PPIG: variants seen among roughly 807,000 people sequenced by gnomAD.
PPIG encodes the protein peptidyl-prolyl cis-trans isomerase G.
Under a neutral mutation model 87.9 loss-of-function variants are expected in PPIG, and 26 were observed. That is an observed-to-expected ratio of 0.30 (90% CI 0.22 to 0.41). PPIG has a LOEUF of 0.41. Among genes scored for constraint, PPIG ranks in the 10% least tolerant of loss-of-function variants. The pLI is 1.00. For synonymous variants in PPIG, 308 were observed against 276.5 expected (o/e 1.11, Z -1.13); for missense variants, 722 against 879.4 (o/e 0.82, Z 2.26).
At chr2:169,623,739 G>C (rs543983011) in intron 9 of PPIG, among the ~76,000 whole-genome samples, 2 of 152,158 alleles carry the variant, frequency 1.3e-5, no homozygotes, top group African/African-American at 4.8e-5. Context: ...ACTTAGAAAC[G>C]GTTTAGGAGA....
intron 9 of PPIG, among the ~76,000 whole-genome samples, chr2:169,620,142 A>C (rs1685706408): frequency 6.6e-6 from 1 of 152,152 alleles, no homozygotes; most frequent in African/African-American, 2.4e-5. Context: ...GGTCATATCC[A>C]GAAAAATCAT....
At position 169,631,855 on chromosome 2, in the gene PPIG, G is replaced by T; in HGVS notation, c.851G>T (p.Arg284Ile). The change falls in exon 11 of 14, where the codon AGA (arginine) becomes ATA (isoleucine). Residue 284 changes from arginine to isoleucine, a missense_variant. Physicochemically the swap from Arg to Ile is moderately conservative, Grantham distance 97 (BLOSUM62 -3). Transcript: ENST00000260970. ...PEEIPPIPEN[R>I]FLMRKSPPKA... ...GAGATCCCTCCTATACCTGAAAATAGATTCCTAATGAGAAAAAGTCCTCCT... is the reference window on the plus strand; with the variant it reads ...GAGATCCCTCCTATACCTGAAAATATATTCCTAATGAGAAAAAGTCCTCCT... 1 of 1,613,426 alleles carries T rather than the reference G, an allele frequency of 6.2e-7. No homozygotes were observed.
In PPIG at chr2:169,637,394, G is replaced by A. The variant is rs746188370; in HGVS notation, c.2136G>A (p.Glu712=). The change falls in exon 14 of 14, where the codon GAG becomes GAA. Residue 712 remains glutamate (E), a synonymous_variant. Coordinates refer to ENST00000260970, the MANE Select transcript of PPIG (RefSeq NM_004792.3). ...CCATGTTGAAAAATAAGGAGGATGA[G>A]AAGATCAGATCCTCAGTGGAAAAAG... ...KSSMLKNKED[E]KIRSSVEKEN... 6.2e-6 allele frequency: 10 copies of A among 1,612,842 alleles called. No homozygotes were observed. The highest frequency in any genetic ancestry group is 7.6e-6 in the Non-Finnish European group (9 of 1,179,792).
chr2:169,636,680 T>A lies in PPIG; in HGVS notation c.1422T>A (p.Asp474Glu). ...SKEKSKSKER[D>E]SKHNRNEEKR... ...AGAAATCAAAGAGTAAAGAAAGAGA[T>A]TCAAAACATAATAGAAATGAAGAAA... The change falls in exon 14 of 14, where the codon GAT (aspartate) becomes GAA (glutamate). Residue 474 changes from aspartate to glutamate, a missense_variant. Asp to Glu is a conservative substitution (Grantham distance 45). Around this residue, in one of 4 missense-constraint regions of PPIG, gnomAD observed 476 missense variants for 483.1 expected, o/e 0.99. Transcript: ENST00000260970. 1 of 1,606,458 alleles carries A rather than the reference T, an allele frequency of 6.2e-7. No individual in the cohort carries two copies. Among genetic ancestry groups the A allele is most frequent in the Non-Finnish European group, 8.5e-7 (1 of 1,178,208 alleles).
At chr2:169,604,515 A>G (rs887732428) in intron 4 of PPIG, among the ~76,000 whole-genome samples, 3 of 151,260 alleles carry the variant, frequency 2.0e-5, no homozygotes, top group African/African-American at 7.3e-5. Flanking sequence ...CTCCATGCAT[A>G]TTACTTTTCT....
intron 1 of PPIG, among the ~76,000 whole-genome samples, chr2:169,592,765 A>T (rs1292740519): frequency 6.6e-6 from 1 of 152,186 alleles, no homozygotes; most frequent in African/African-American, 2.4e-5. Context: ...CGAGGAAATC[A>T]TAATTATAGA....
At chr2:169,598,271 A>T (rs897936144) in intron 1 of PPIG, among the ~76,000 whole-genome samples, 1 of 151,992 alleles carries the variant, frequency 6.6e-6, no homozygotes, top group Non-Finnish European at 1.5e-5. Flanking sequence ...AGTGTAAGCC[A>T]CTGCATCTAG....
rs1686218387 is a variant in PPIG at position 169,637,595 on chromosome 2, T to C, written c.*72T>C. On this transcript the variant is annotated 3_prime_UTR_variant, in exon 14 of 14. Transcript: ENST00000260970. ...GAGAGACTTGCTAATGAATCTCCTTTATGTTGTTTTCCTTTTCATTGTTTT... is the reference window on the plus strand; with the variant it reads ...GAGAGACTTGCTAATGAATCTCCTTCATGTTGTTTTCCTTTTCATTGTTTT... 2 of 1,349,838 alleles carry C rather than the reference T, an allele frequency of 1.5e-6. No homozygotes were observed. Among genetic ancestry groups the C allele is most frequent in the South Asian group, 3.4e-5 (2 of 58,656 alleles). 83.6% of individuals were successfully genotyped at this position (1,349,838 alleles called of 1,614,324 possible). A position where few individuals can be genotyped will look rare whatever the true frequency, so the allele number is the denominator to read the frequency against.
At chr2:169,604,681 C>T (rs1685272932) in intron 4 of PPIG, among the ~76,000 whole-genome samples, 1 of 150,502 alleles carries the variant, frequency 6.6e-6, no homozygotes, top group African/African-American at 2.4e-5. Context: ...CCAGACGAGC[C>T]TGGCCAAGAT....
intron 1 of PPIG, among the ~76,000 whole-genome samples, chr2:169,588,958 CAAAAAAAAA>C (rs549776875): frequency 0.065 from 4,442 of 68,768 alleles, 291 homozygotes; most frequent in African/African-American, 0.2. Context: ...AACTCCCTCT[CAAAAAAAAA>C]AAAAAAAAAA....
intron 1 of PPIG, among the ~76,000 whole-genome samples, chr2:169,597,172 T>C (rs936231120): frequency 9.9e-5 from 15 of 152,218 alleles, no homozygotes; most frequent in African/African-American, 2.4e-4. Flanking sequence ...TAATTTTTAA[T>C]AGATAATATA....
In PPIG at chr2:169,631,856, A is replaced by G; in HGVS notation, c.852A>G (p.Arg284=). 1.2e-6 allele frequency: 2 copies of G among 1,613,554 alleles called. No individual in the cohort carries two copies. The highest frequency in any genetic ancestry group is 1.7e-6 in the Non-Finnish European group (2 of 1,179,590). ...AGATCCCTCCTATACCTGAAAATAG[A>G]TTCCTAATGAGAAAAAGTCCTCCTA... ...PEEIPPIPEN[R]FLMRKSPPKA... The change falls in exon 11 of 14, where the codon AGA becomes AGG. Residue 284 remains arginine (R), a synonymous_variant. Coordinates refer to ENST00000260970, the MANE Select transcript of PPIG (RefSeq NM_004792.3).
chr2:169,604,187 C>T lies in PPIG; in HGVS notation c.62C>T (p.Ala21Val). The T allele has an allele frequency of 1.2e-6, 2 of 1,613,328 alleles. No individual in the cohort carries two copies. The highest frequency in any genetic ancestry group is 1.7e-6 in the Non-Finnish European group (2 of 1,179,624). Residue 21 changes from alanine to valine, a missense_variant and splice_region_variant, in exon 4 of 14, where the codon GCT becomes GTT. By Grantham distance (64) the Ala-to-Val change is moderately conservative. Transcript: ENST00000260970. ...FFDIAINNQPAGRVVFELFSD... is the reference protein window; with the variant it reads ...FFDIAINNQPVGRVVFELFSD... ...TTTAACCAACTACCTTCTTTTTCAG[C>T]TGGAAGAGTTGTCTTTGAATTATTT...
chr2:169,624,612 G>T (rs1476522989), intron 9 of PPIG, among the ~76,000 whole-genome samples: 1 of 152,024 alleles, frequency 6.6e-6, no homozygotes, highest in Non-Finnish European at 1.5e-5. Context: ...TTTTGAGATG[G>T]AGTCTCGCTC....
intron 1 of PPIG, among the ~76,000 whole-genome samples, chr2:169,592,035 T>TC (rs1684879237): frequency 7.1e-6 from 1 of 141,422 alleles, no homozygotes; most frequent in African/African-American, 2.6e-5. Flanking sequence ...CAAATGATCC[T>TC]CCCACCGCAG....
At chr2:169,592,629 G>A (rs1013639141) in intron 1 of PPIG, among the ~76,000 whole-genome samples, 18 of 151,876 alleles carry the variant, frequency 1.2e-4, no homozygotes, top group African/African-American at 4.1e-4. Context: ...TAATAGAGAT[G>A]CGTTCTCATT....
chr2:169,595,546 A>G (rs534848624), intron 1 of PPIG, among the ~76,000 whole-genome samples: 2 of 152,130 alleles, frequency 1.3e-5, no homozygotes, highest in South Asian at 4.1e-4. Flanking sequence ...AACCATCCTC[A>G]CTTCCAGTCC....
Position 169,637,093 on chromosome 2 carries a change from C to T in PPIG, c.1835C>T (p.Pro612Leu), listed in dbSNP as rs1384392296. Reference protein sequence around the residue: ...GRSRSRERRTPPGRSRSKDRR... With the variant: ...GRSRSRERRTLPGRSRSKDRR... ...TCACGAAGCCGAGAGAGAAGAACAC[C>T]ACCAGGAAGATCAAGAAGTAAAGAT... The change falls in exon 14 of 14, where the codon CCA (proline) becomes CTA (leucine). Residue 612 changes from proline (P) to leucine (L), a missense_variant. By Grantham distance (98) the Pro-to-Leu change is moderately conservative (BLOSUM62 -3). Around this residue, in one of 4 missense-constraint regions of PPIG, gnomAD observed 476 missense variants for 483.1 expected, o/e 0.99. Transcript: ENST00000260970. 1.2e-6 allele frequency: 2 copies of T among 1,612,810 alleles called. No homozygotes were observed. Among genetic ancestry groups the T allele is most frequent in the Non-Finnish European group, 1.7e-6 (2 of 1,179,608 alleles).
chr2:169,624,156 A>G (rs1316555807), intron 9 of PPIG, among the ~76,000 whole-genome samples: 1 of 152,122 alleles, frequency 6.6e-6, no homozygotes, highest in Non-Finnish European at 1.5e-5. Context: ...TGGTGGAGAC[A>G]AGGTCTCGCT....
Sources: gnomAD v4.1 joint callset for allele counts (sites outside exome capture counted in the v4.1 genomes callset) on GRCh38, gnomAD v4.1.1 for gene constraint, gnomAD v4.1.1 regional missense constraint, MANE v1.5 for transcripts, NCBI Gene and HGNC (gene_info 2026-07-23, HGNC 2026-07-21) for gene names.